Variants in IL10RB observed in about 807,000 individuals in gnomAD.
The protein encoded by IL10RB is interleukin 10 receptor subunit beta.
In IL10RB, 30 loss-of-function variants were observed where a neutral mutation model predicts 38.7. The observed-to-expected ratio is 0.78, with a 90% confidence interval of 0.58 to 1.05. The LOEUF is 1.05. Among genes scored for constraint, IL10RB ranks in the 50% least tolerant of loss-of-function variants. IL10RB has a pLI of 0.00. For missense variants in IL10RB, 328 were observed against 397.1 expected (o/e 0.83, Z 1.48); for synonymous variants, 142 against 145.9 (o/e 0.97, Z 0.19).
chr21:33,280,026 C>A, intron 4 of IL10RB, 108 bp downstream of exon 4: 1 of 971,270 alleles, frequency 1.0e-6, no homozygotes, highest in South Asian at 1.3e-5. Context: ...CCAAGAGCTT[C>A]CCAGACTGAG....
intron 2 of IL10RB, among the ~76,000 whole-genome samples, chr21:33,270,955 G>A (rs888994029): frequency 8.5e-5 from 13 of 152,272 alleles, no homozygotes; most frequent in South Asian, 6.2e-4. Flanking sequence ...GATTACAGGC[G>A]TGAGCTACCA....
intron 1 of IL10RB, among the ~76,000 whole-genome samples, chr21:33,304,282 A>G (rs761302108): frequency 1.3e-5 from 2 of 152,170 alleles, no homozygotes; most frequent in Non-Finnish European, 2.9e-5. Flanking sequence ...AGTCTGGAGG[A>G]AAAAAGGACC....
chr21:33,301,349 C>G (rs975697077), downstream of IL10RB, among the ~76,000 whole-genome samples: 1 of 152,140 alleles, frequency 6.6e-6, no homozygotes, highest in African/African-American at 2.4e-5. Context: ...GTTTCCATGC[C>G]CATGAGAACT....
chr21:33,303,350 CTTT>C (rs11340111), intron 1 of IL10RB, among the ~76,000 whole-genome samples: 42,047 of 109,360 alleles, frequency 0.38, 6,651 homozygotes, highest in Middle Eastern at 0.5. Flanking sequence ...CTGTTACTTT[CTTT>C]TTTTTTTTTT....
chr21:33,309,478 C>CTGCTA (rs1165777418), exon 2 of IL10RB: 1 of 152,176 alleles, frequency 6.6e-6, no homozygotes, highest in East Asian at 1.9e-4. Flanking sequence ...TCAGAAGAAC[C>CTGCTA]TGCTATTGTG....
At chr21:33,272,490 A>G (rs1242980703) in intron 2 of IL10RB, among the ~76,000 whole-genome samples, 2 of 152,206 alleles carry the variant, frequency 1.3e-5, no homozygotes, top group African/African-American at 4.8e-5. Context: ...TCTGTTGCCC[A>G]GGCTGGAGTG....
chr21:33,297,029 G>T lies in IL10RB; in HGVS notation c.*672G>T, dbSNP rs1190644864. 1 of 171,920 alleles carries T rather than the reference G, an allele frequency of 5.8e-6. No individual in the cohort carries two copies. Among genetic ancestry groups the T allele is most frequent in the African/African-American group, 2.4e-5 (1 of 41,528 alleles). 10.6% of individuals were successfully genotyped at this position (171,920 alleles called of 1,614,324 possible). ...AATAAGAATGGAGATGTTACATCTG[G>T]TAGATGTAACATTCTACCAGATTAT... On this transcript the variant is annotated 3_prime_UTR_variant, in exon 7 of 7. Transcript: ENST00000290200.
At chr21:33,303,458 G>A (rs773815861) in intron 1 of IL10RB, among the ~76,000 whole-genome samples, 10 of 148,944 alleles carry the variant, frequency 6.7e-5, no homozygotes, top group Admixed American at 1.4e-4. Flanking sequence ...GGGTTCAAGC[G>A]ATTCTCCTGC....
At chr21:33,297,840 AAG>A (rs1412129997), downstream of IL10RB, among the ~76,000 whole-genome samples, 1 of 148,404 alleles carries the variant, frequency 6.7e-6, no homozygotes, top group Non-Finnish European at 1.5e-5. Context: ...AAAGAAAGGA[AAG>A]AAAAAAAAGA....
At chr21:33,271,323 ATG>A (rs1370567668) in intron 2 of IL10RB, among the ~76,000 whole-genome samples, 5 of 152,198 alleles carry the variant, frequency 3.3e-5, no homozygotes, top group Non-Finnish European at 7.4e-5. Context: ...ACTTCAGAGG[ATG>A]TACTGGTGAT....
intron 6 of IL10RB, among the ~76,000 whole-genome samples, chr21:33,294,388 TGC>T (rs1031620921): frequency 3.7e-4 from 33 of 88,796 alleles, no homozygotes; most frequent in Admixed American, 1.6e-3. Flanking sequence ...TGTGTGTGTG[TGC>T]GTGTGTGTGT....
At chr21:33,268,056 T>G (rs992006492) in intron 1 of IL10RB, 30 of 420,522 alleles carry the variant, frequency 7.1e-5, no homozygotes, top group African/African-American at 6.2e-4. Context: ...CTTTTATGCA[T>G]CAAATGTATC....
At chr21:33,293,542 C>T (rs1486623686) in intron 6 of IL10RB, among the ~76,000 whole-genome samples, 2 of 152,174 alleles carry the variant, frequency 1.3e-5, no homozygotes, top group Non-Finnish European at 2.9e-5. Flanking sequence ...AGTGCCAGGC[C>T]GAGCATGGTG....
chr21:33,305,065 G>A (rs113017433), intron 1 of IL10RB, among the ~76,000 whole-genome samples: 5 of 152,258 alleles, frequency 3.3e-5, no homozygotes, highest in Admixed American at 2.0e-4. Context: ...ATAAGGTCTC[G>A]TGGGAGGAAG....
chr21:33,271,330 G>A (rs1989076167), intron 2 of IL10RB, among the ~76,000 whole-genome samples: 1 of 152,126 alleles, frequency 6.6e-6, no homozygotes, highest in East Asian at 1.9e-4. Flanking sequence ...AGGATGTACT[G>A]GTGATTTTAA....
chr21:33,269,762 C>T (rs1278529651), intron 2 of IL10RB, among the ~76,000 whole-genome samples: 1 of 151,712 alleles, frequency 6.6e-6, no homozygotes, highest in Non-Finnish European at 1.5e-5. Context: ...GGGTTCACGC[C>T]ATTCTCCTGC....
Position 33,296,474 on chromosome 21 carries a change from C to T in IL10RB, c.*117C>T. 1.0e-6 allele frequency: 1 copy of T among 978,502 alleles called. No homozygotes were observed. Among genetic ancestry groups the T allele is most frequent in the Non-Finnish European group, 1.6e-6 (1 of 633,520 alleles). The allele number at this position is 978,502 out of a possible 1,614,324, so 60.6% of individuals were successfully genotyped here. On this transcript the variant is annotated 3_prime_UTR_variant, in exon 7 of 7. Coordinates refer to ENST00000290200, the MANE Select transcript of IL10RB (RefSeq NM_000628.5). Reference sequence around the variant, plus strand: ...AAGACCATCTGAGCCAGCCCCACATCTAGAACTCCCAGACCCTGGACTTAG... The same window carrying T: ...AAGACCATCTGAGCCAGCCCCACATTTAGAACTCCCAGACCCTGGACTTAG...
chr21:33,266,977 G>A (rs1829157856), intron 1 of IL10RB, among the ~76,000 whole-genome samples: 1 of 151,992 alleles, frequency 6.6e-6, no homozygotes, highest in Admixed American at 6.6e-5. Context: ...CCTCCCTACA[G>A]ATGTGCCTCC....
rs948812984 is a variant in IL10RB, at chr21:33,284,067, G to A, written c.646+826G>A. 5.3e-5 allele frequency among the ~76,000 whole-genome samples: 8 copies of A among 152,216 alleles called. No individual in the cohort carries two copies. The East Asian group carries it at 5.8e-4, about 11-fold the overall frequency. Reference sequence around the variant, plus strand: ...TCCTAACACTTTGAGAGGCCGAGGCGGGCGGATCACCTGAGGTCAGGAGTT... The same window carrying A: ...TCCTAACACTTTGAGAGGCCGAGGCAGGCGGATCACCTGAGGTCAGGAGTT... On this transcript the variant is annotated intron_variant, in intron 5 of 6. Transcript: ENST00000290200.
Sources: gnomAD v4.1 joint callset for allele counts (sites outside exome capture counted in the v4.1 genomes callset) on GRCh38, gnomAD v4.1.1 for gene constraint, MANE v1.5 for transcripts, NCBI Gene and HGNC (gene_info 2026-07-23, HGNC 2026-07-21) for gene names.